Variants in HSF5 observed in about 807,000 individuals in gnomAD.
HSF5 encodes heat shock factor protein 5.
A neutral mutation model predicts 50.8 loss-of-function variants in HSF5; 5 were observed. That is an observed-to-expected ratio of 0.10 (90% CI 0.05 to 0.21). The LOEUF (loss-of-function observed/expected upper bound fraction) is 0.21, where lower values mean the gene tolerates loss of function less well. Ranked by LOEUF, HSF5 falls within the 10% of genes least tolerant of loss-of-function variation. The pLI, the probability that HSF5 is intolerant of heterozygous loss-of-function variation, is 1.00. For missense variants in HSF5, 564 were observed against 762.6 expected (o/e 0.74, Z 3.07); for synonymous variants, 307 against 307.4 (o/e 1.00, Z 0.02).
In HSF5 at chr17:58,463,322, T is replaced by C. The variant is rs755252117; in HGVS notation, c.1021-19A>G. On this transcript the variant is annotated intron_variant, in intron 3 of 5. Transcript: ENST00000323777. Reference sequence around the variant, plus strand: ...AAGGATTCTGGGAAAAGAAAAAATATAACTGTTTGGATAGAAAATAAAATA... The same window carrying C: ...AAGGATTCTGGGAAAAGAAAAAATACAACTGTTTGGATAGAAAATAAAATA... 6.9e-6 allele frequency: 11 copies of C among 1,590,000 alleles called. No individual in the cohort carries two copies. Among genetic ancestry groups the C allele is most frequent in the East Asian group, 2.2e-5 (1 of 44,622 alleles).
Position 58,463,048 on chromosome 17 carries a change from C to A in HSF5, c.1276G>T (p.Ala426Ser). 6.2e-7 allele frequency: 1 copy of A among 1,614,174 alleles called. No individual in the cohort carries two copies. The highest frequency in any genetic ancestry group is 1.1e-5 in the South Asian group (1 of 91,078). The stretch of plus-strand genomic sequence containing the variant: ...GGAGTAAGTGGCTCCAGCTGGCTAG[C>A]CTGACTTGCAGAACATGGATTGCTG... Reference protein sequence around the residue: ...NNSNPCSASQASQLEPLTPVG... With the variant: ...NNSNPCSASQSSQLEPLTPVG... Residue 426 changes from alanine (A) to serine (S), a missense_variant, in exon 4 of 6, where the codon GCT becomes TCT. Around this residue, in one of 5 missense-constraint regions of HSF5, gnomAD observed 441 missense variants for 533.6 expected, o/e 0.83. Transcript: ENST00000323777.
At chr17:58,457,218 C>T (rs1378826608) in intron 5 of HSF5, among the ~76,000 whole-genome samples, 4 of 151,362 alleles carry the variant, frequency 2.6e-5, no homozygotes, top group Non-Finnish European at 4.4e-5. Context: ...CAAGATCACG[C>T]CATTGCACTA....
intron 2 of HSF5, 64 bp from the exon 3 acceptor site, chr17:58,467,043 C>G: frequency 9.7e-7 from 1 of 1,031,912 alleles, no homozygotes; most frequent in Non-Finnish European, 1.5e-6. Flanking sequence ...ATTCAAGGAG[C>G]TCCCCTCTTT....
intron 5 of HSF5, among the ~76,000 whole-genome samples, chr17:58,444,843 TA>T (rs1974538792): frequency 6.6e-6 from 1 of 152,168 alleles, no homozygotes; most frequent in Non-Finnish European, 1.5e-5. Flanking sequence ...GCTAAGGGGT[TA>T]ATATTCAGAA....
intron 1 of HSF5, among the ~76,000 whole-genome samples, chr17:58,487,094 G>A (rs1289619217): frequency 6.6e-6 from 1 of 151,962 alleles, no homozygotes; most frequent in East Asian, 1.9e-4. Context: ...TTTTAGTAGA[G>A]ACGAGGTTTC....
chr17:58,478,933 A>G (rs1975062797), intron 2 of HSF5, among the ~76,000 whole-genome samples: 1 of 151,642 alleles, frequency 6.6e-6, no homozygotes, highest in Non-Finnish European at 1.5e-5. Flanking sequence ...CCCAAGAAGC[A>G]AAAAACAGAT....
At chr17:58,450,125 C>T (rs1974616244) in intron 5 of HSF5, among the ~76,000 whole-genome samples, 1 of 151,032 alleles carries the variant, frequency 6.6e-6, no homozygotes, top group African/African-American at 2.4e-5. Flanking sequence ...CACTTGAGGT[C>T]AGGAGTTTGA....
rs773682122 is a variant in HSF5 at position 58,488,125 on chromosome 17, C to T, written c.150G>A (p.Leu50=). 14 of 1,571,216 alleles carry T rather than the reference C, an allele frequency of 8.9e-6. No homozygotes were observed. The East Asian group carries it at 2.4e-4, about 26-fold the overall frequency. ...CGCCCCCCGGCCCGGGCGGGCTGAG[C>T]AGCTCGGCCTCGAAGAGCGGCTGAT... ...LIDQPLFEAE[L]LSPPGPGGGG... The change falls in exon 1 of 6, where the codon CTG becomes CTA. Residue 50 remains leucine (L), a synonymous_variant. Transcript: ENST00000323777. The surrounding 1 kb of genome is among the most constrained non-coding windows in gnomAD (Gnocchi z 4.1).
At chr17:58,431,241 T>C (rs1974361436) in intron 5 of HSF5, among the ~76,000 whole-genome samples, 1 of 152,240 alleles carries the variant, frequency 6.6e-6, no homozygotes. Flanking sequence ...GTCTCGGGTA[T>C]GTCTTTATCA....
chr17:58,487,687 G>T, intron 1 of HSF5, 38 bp downstream of exon 1: 1 of 1,367,014 alleles, frequency 7.3e-7, no homozygotes, highest in Non-Finnish European at 9.4e-7. Flanking sequence ...CCGCCCATGT[G>T]CCCACTGTGG....
intron 2 of HSF5, among the ~76,000 whole-genome samples, chr17:58,475,310 T>C (rs1258190751): frequency 1.3e-5 from 2 of 152,210 alleles, no homozygotes; most frequent in Admixed American, 1.3e-4. Context: ...ACACATTTAG[T>C]TTTATCGTAA....
chr17:58,423,034 A>G (rs1974247238), intron 5 of HSF5, among the ~76,000 whole-genome samples: 1 of 152,134 alleles, frequency 6.6e-6, no homozygotes, highest in Non-Finnish European at 1.5e-5. Context: ...AGTAAGGAAA[A>G]GTGTCAAAGG....
At chr17:58,464,597 A>G (rs962441898) in intron 3 of HSF5, among the ~76,000 whole-genome samples, 1 of 152,104 alleles carries the variant, frequency 6.6e-6, no homozygotes, top group Non-Finnish European at 1.5e-5. Flanking sequence ...GCTTATTGCT[A>G]TTTTCCTATG....
At chr17:58,445,208 A>T (rs1974544049) in intron 5 of HSF5, among the ~76,000 whole-genome samples, 1 of 152,192 alleles carries the variant, frequency 6.6e-6, no homozygotes, top group Non-Finnish European at 1.5e-5. Context: ...AGAGTTTCCT[A>T]AAAAAATTAA....
intron 5 of HSF5, among the ~76,000 whole-genome samples, chr17:58,453,659 C>T (rs1019388687): frequency 2.0e-5 from 3 of 152,056 alleles, no homozygotes; most frequent in East Asian, 3.9e-4. Flanking sequence ...TCACCATAAT[C>T]CAAGGGGGAT....
chr17:58,432,629 G>A (rs1567905881), intron 5 of HSF5, among the ~76,000 whole-genome samples: 2 of 152,114 alleles, frequency 1.3e-5, no homozygotes, highest in Admixed American at 6.5e-5. Flanking sequence ...GTTGCCAGGA[G>A]CCAAATCATT....
intron 4 of HSF5, among the ~76,000 whole-genome samples, chr17:58,461,213 CACAACAACAACAACAACAACAACA>C (rs36215581): frequency 7.5e-5 from 11 of 146,744 alleles, no homozygotes; most frequent in South Asian, 2.2e-4. Context: ...GATTCCATCT[CACAACAACAACAACAACAACAACA>C]ACAACAACAA....
chr17:58,424,079 T>C (rs1405750064), intron 5 of HSF5, among the ~76,000 whole-genome samples: 1 of 152,212 alleles, frequency 6.6e-6, no homozygotes, highest in African/African-American at 2.4e-5. Context: ...ACTCATCTGG[T>C]GAACTACAAC....
chr17:58,476,285 C>T (rs1039181445), intron 2 of HSF5: 1 of 985,784 alleles, frequency 1.0e-6, no homozygotes, highest in Non-Finnish European at 1.6e-6. Flanking sequence ...ATATCAGGAA[C>T]CAAGTGGTAC....
Sources: allele counts gnomAD v4.1 joint callset (sites outside exome capture counted in the v4.1 genomes callset), GRCh38; gene constraint gnomAD v4.1.1; regional missense constraint gnomAD v4.1.1; non-coding constraint Gnocchi (gnomAD v3.1); transcripts MANE v1.5; gene names NCBI Gene and HGNC (gene_info 2026-07-23, HGNC 2026-07-21).